Variants in NR6A1 observed in about 807,000 individuals in gnomAD.
The protein encoded by NR6A1 is nuclear receptor subfamily 6 group A member 1.
Under a neutral mutation model 59.1 loss-of-function variants are expected in NR6A1, and 7 were observed. That is an observed-to-expected ratio of 0.12 (90% CI 0.07 to 0.22). The LOEUF (loss-of-function observed/expected upper bound fraction) is 0.22. Ranked by LOEUF, NR6A1 falls within the 10% of genes least tolerant of loss-of-function variation. The probability of loss-of-function intolerance (pLI) is 1.00; values close to 1 mark genes in which losing one functional copy is unlikely to be tolerated. For missense variants in NR6A1, 468 were observed against 611.6 expected, an observed-to-expected ratio of 0.77 and a Z score of 2.48; for synonymous variants, 243 against 236.1, an observed-to-expected ratio of 1.03 and a Z score of -0.27.
chr9:124,690,053 A>C (rs1330844629), intron 2 of NR6A1, among the ~76,000 whole-genome samples: 1 of 152,166 alleles, frequency 6.6e-6, no homozygotes, highest in African/African-American at 2.4e-5. Context: ...ATGAATTCAC[A>C]CTGACATGCT....
chr9:124,561,755 T>C (rs931647096), intron 2 of NR6A1, among the ~76,000 whole-genome samples: 9 of 151,972 alleles, frequency 5.9e-5, no homozygotes, highest in African/African-American at 2.2e-4. Context: ...CTACTAAAAA[T>C]ACAAAAATCA....
chr9:124,524,587 G>T, intron 9 of NR6A1, 134 bp downstream of exon 9: 1 of 955,388 alleles, frequency 1.0e-6, no homozygotes, highest in African/African-American at 1.7e-5. Context: ...CCTTTTTTGA[G>T]GGCAAGGGTG....
intron 2 of NR6A1, among the ~76,000 whole-genome samples, chr9:124,724,550 T>A (rs868596687): frequency 1.6e-4 from 24 of 150,940 alleles, no homozygotes; most frequent in African/African-American, 4.6e-4. Flanking sequence ...AAAAAAAAAA[T>A]TCAATCTTCA....
intron 1 of NR6A1, among the ~76,000 whole-genome samples, chr9:124,763,544 G>A (rs1323368008): frequency 6.6e-6 from 1 of 152,204 alleles, no homozygotes; most frequent in African/African-American, 2.4e-5. Flanking sequence ...CAATAAATGG[G>A]AAGAGATTAA....
At chr9:124,748,773 G>A (rs938538998) in intron 1 of NR6A1, among the ~76,000 whole-genome samples, 1 of 151,786 alleles carries the variant, frequency 6.6e-6, no homozygotes, top group African/African-American at 2.4e-5. Context: ...GCTGAGGCAG[G>A]AGAATGGCAT....
At position 124,686,855 on chromosome 9, in the gene NR6A1, C is replaced by T. The variant is rs551337722; in HGVS notation, c.142+46453G>A. ...AGTAGCTGGAGCCACAGGCACACACCGCCACGCTCAGCTAATTTTTTATTT... is the reference window on the plus strand; with the variant it reads ...AGTAGCTGGAGCCACAGGCACACACTGCCACGCTCAGCTAATTTTTTATTT... On this transcript the variant is annotated intron_variant, in intron 2 of 9. Transcript: ENST00000487099. Among the ~76,000 whole-genome samples the T allele has an allele frequency of 8.5e-5, 13 of 152,110 alleles. 1 individual carries two copies. The South Asian group carries it at 2.5e-3, about 29-fold the overall frequency.
intron 2 of NR6A1, among the ~76,000 whole-genome samples, chr9:124,643,889 T>A (rs1297910608): frequency 6.6e-6 from 1 of 152,152 alleles, no homozygotes; most frequent in Admixed American, 6.5e-5. Context: ...TAATTTTCCA[T>A]CCTTTCTGGG....
chr9:124,644,806 C>T (rs952573573), intron 2 of NR6A1, among the ~76,000 whole-genome samples: 1 of 152,170 alleles, frequency 6.6e-6, no homozygotes, highest in East Asian at 1.9e-4. Context: ...CAAGGACCCT[C>T]CAAGCACTAG....
chr9:124,674,317 A>T (rs921183148), intron 2 of NR6A1, among the ~76,000 whole-genome samples: 4 of 152,232 alleles, frequency 2.6e-5, no homozygotes, highest in Admixed American at 2.0e-4. Context: ...ACTCCATATC[A>T]TTCAGTATCA....
intron 2 of NR6A1, among the ~76,000 whole-genome samples, chr9:124,685,494 A>G (rs904923007): frequency 6.6e-6 from 1 of 152,122 alleles, no homozygotes; most frequent in African/African-American, 2.4e-5. Context: ...ATGCCGGGCT[A>G]ATTTTTTCAA....
intron 2 of NR6A1, among the ~76,000 whole-genome samples, chr9:124,564,651 T>C (rs1313642397): frequency 6.6e-6 from 1 of 150,980 alleles, no homozygotes; most frequent in Admixed American, 6.6e-5. Flanking sequence ...GGTCTATAGA[T>C]TCAGTAAGGT....
At chr9:124,733,452 A>G in intron 1 of NR6A1, 103 bp from the exon 2 acceptor site, 1 of 888,176 alleles carries the variant, frequency 1.1e-6, no homozygotes, top group Non-Finnish European at 1.9e-6. Flanking sequence ...TATACTCAGA[A>G]GTCAATTTGG....
chr9:124,550,843 A>G (rs1023411897), intron 3 of NR6A1, among the ~76,000 whole-genome samples: 14 of 152,120 alleles, frequency 9.2e-5, no homozygotes, highest in African/African-American at 2.9e-4. Context: ...GCCTCCTTCT[A>G]CATTTGTTAA....
At chr9:124,630,246 G>C (rs1446878079) in intron 2 of NR6A1, among the ~76,000 whole-genome samples, 1 of 59,304 alleles carries the variant, frequency 1.7e-5, no homozygotes, top group African/African-American at 7.4e-5. Flanking sequence ...ACGGAGTTTT[G>C]CTCTTGTTGC....
At chr9:124,547,238 G>C (rs1833626321) in intron 3 of NR6A1, among the ~76,000 whole-genome samples, 1 of 151,984 alleles carries the variant, frequency 6.6e-6, no homozygotes, top group Non-Finnish European at 1.5e-5. Context: ...CATTTGCTTG[G>C]GCTTAGGCAG....
chr9:124,724,887 C>T (rs1011437383), intron 2 of NR6A1, among the ~76,000 whole-genome samples: 1 of 152,146 alleles, frequency 6.6e-6, no homozygotes, highest in African/African-American at 2.4e-5. Flanking sequence ...AGCTGACAGC[C>T]TTTATTGGGA....
intron 2 of NR6A1, among the ~76,000 whole-genome samples, chr9:124,589,959 G>T (rs1437609215): frequency 1.3e-5 from 2 of 148,358 alleles, no homozygotes; most frequent in African/African-American, 5.0e-5. Flanking sequence ...CAGCTACTCA[G>T]GAGATTGAGG....
At chr9:124,585,675 G>C (rs1411919877) in intron 2 of NR6A1, among the ~76,000 whole-genome samples, 1 of 151,866 alleles carries the variant, frequency 6.6e-6, no homozygotes. Flanking sequence ...ATAGATGAAG[G>C]GGCCTTATAT....
At chr9:124,696,503 T>C (rs1838767283) in intron 2 of NR6A1, among the ~76,000 whole-genome samples, 1 of 148,396 alleles carries the variant, frequency 6.7e-6, no homozygotes. Context: ...TCACAAATTA[T>C]ACATAATGTT....
Sources: gnomAD v4.1 joint callset for allele counts (sites outside exome capture counted in the v4.1 genomes callset) on GRCh38, gnomAD v4.1.1 for gene constraint, MANE v1.5 for transcripts, NCBI Gene and HGNC (gene_info 2026-07-23, HGNC 2026-07-21) for gene names.